AKAP7: variants seen among roughly 807,000 people sequenced by gnomAD.
AKAP7 encodes the protein A kinase (PRKA) anchor protein 7.
In AKAP7, 39 loss-of-function variants were observed where a neutral mutation model predicts 39.5. The ratio of observed to expected loss-of-function variants is 0.99; its 90% CI spans 0.76 to 1.29. The LOEUF is 1.29. Among genes scored for constraint, AKAP7 ranks in the 50% most tolerant of loss-of-function variants. The probability of loss-of-function intolerance (pLI) is 0.00; values close to 1 mark genes in which losing one functional copy is unlikely to be tolerated. For missense variants in AKAP7, 414 were observed against 407.7 expected (o/e 1.02, Z -0.13); for synonymous variants, 140 against 139.1 (o/e 1.01, Z -0.05).
At position 131,282,405 on chromosome 6, in the gene AKAP7, A is replaced by T; in HGVS notation, c.*679A>T. ...TATAATTTTTTTTTCTTAGGCAAGA[A>T]ACCTATTGGAATTCGAGACTTAATT... On this transcript the variant is annotated 3_prime_UTR_variant, in exon 8 of 8. Coordinates refer to ENST00000431975, the MANE Select transcript of AKAP7 (RefSeq NM_016377.4). 2 of 1,483,040 alleles carry T rather than the reference A, an allele frequency of 1.3e-6. No homozygotes were observed. Among genetic ancestry groups the T allele is most frequent in the Non-Finnish European group, 1.8e-6 (2 of 1,119,344 alleles). The allele number at this position is 1,483,040 out of a possible 1,614,324, so 91.9% of individuals were successfully genotyped here. A position where few individuals can be genotyped will look rare whatever the true frequency, so the allele number is the denominator to read the frequency against.
chr6:131,194,175 C>T (rs900365861), intron 5 of AKAP7, among the ~76,000 whole-genome samples: 2 of 151,940 alleles, frequency 1.3e-5, no homozygotes, highest in African/African-American at 2.4e-5. Flanking sequence ...GCACTTAAAA[C>T]AATAAAATTC....
At chr6:131,126,928 G>C in the AKAP7 span, among the ~76,000 whole-genome samples, 4 of 152,156 alleles carry the variant, frequency 2.6e-5, no homozygotes, top group African/African-American at 9.7e-5. Context: ...CTTAGTACAT[G>C]AGCATAGTTT....
At chr6:131,217,996 C>G (rs536117977) in intron 6 of AKAP7, among the ~76,000 whole-genome samples, 1 of 151,996 alleles carries the variant, frequency 6.6e-6, no homozygotes, top group Non-Finnish European at 1.5e-5. Context: ...AATGTTATCT[C>G]GAATGAAGTT....
upstream of AKAP7, among the ~76,000 whole-genome samples, chr6:131,132,341 G>A (rs1053794441): frequency 6.6e-6 from 1 of 151,748 alleles, no homozygotes; most frequent in African/African-American, 2.4e-5. Flanking sequence ...TGAATTCATA[G>A]GTATTAATTT....
At chr6:131,174,534 A>G (rs768038684) in intron 5 of AKAP7, among the ~76,000 whole-genome samples, 6 of 152,268 alleles carry the variant, frequency 3.9e-5, no homozygotes, top group Non-Finnish European at 8.8e-5. Context: ...TGGAGGTTAC[A>G]GTGAGCCATG....
intron 7 of AKAP7, among the ~76,000 whole-genome samples, chr6:131,228,481 A>G (rs1810373160): frequency 1.3e-5 from 2 of 152,020 alleles, no homozygotes; most frequent in Non-Finnish European, 2.9e-5. Context: ...TATTCTAATC[A>G]TTTACAAGGC....
Position 131,247,269 on chromosome 6 carries a change from G to GTATATA in AKAP7, c.850+27501_850+27506dup, listed in dbSNP as rs60033504. On this transcript the variant is annotated intron_variant, in intron 7 of 7. Transcript: ENST00000431975. ...TGATAGTTAATGACACATTTCATAT[G>GTATATA]TATATATATATATATATATATATAT... 3.7e-3 allele frequency among the ~76,000 whole-genome samples: 344 copies of GTATATA among 91,802 alleles called. 7 individuals are homozygous for GTATATA. The highest frequency in any genetic ancestry group is 5.4e-3 in the Non-Finnish European group (268 of 49,982). 60.2% of individuals were successfully genotyped at this position (91,802 alleles called of 152,430 possible).
At chr6:131,226,337 T>C (rs558237178) in intron 7 of AKAP7, among the ~76,000 whole-genome samples, 1 of 152,318 alleles carries the variant, frequency 6.6e-6, no homozygotes, top group South Asian at 2.1e-4. Context: ...GTGGCAACAT[T>C]CCTATTTTCA....
intron 7 of AKAP7, among the ~76,000 whole-genome samples, chr6:131,237,852 A>T (rs138607615): frequency 0.29 from 43,514 of 151,968 alleles, 6,721 homozygotes; most frequent in Middle Eastern, 0.4. Context: ...TTTTCCAAAA[A>T]CCAGCTCCTG....
intron 7 of AKAP7, among the ~76,000 whole-genome samples, chr6:131,235,991 C>G (rs1811020988): frequency 6.6e-6 from 1 of 152,192 alleles, no homozygotes; most frequent in Non-Finnish European, 1.5e-5. Context: ...TGCCTATGTC[C>G]TGAATGGTAT....
In AKAP7 at chr6:131,135,554, C is replaced by T. The variant is rs993923374; in HGVS notation, c.-210C>T. ...GCTGCTGCCGCTGCCGCGGGGGCTG[C>T]GGCTTGGGAAGCTCCGCGCTTCCGC... On this transcript the variant is annotated 5_prime_UTR_variant, in exon 1 of 8. Coordinates refer to ENST00000431975, the MANE Select transcript of AKAP7 (RefSeq NM_016377.4). 11 of 214,592 alleles carry T rather than the reference C, an allele frequency of 5.1e-5. No individual in the cohort carries two copies. The highest frequency in any genetic ancestry group is 8.0e-5 in the Non-Finnish European group (10 of 124,634). 13.3% of individuals were successfully genotyped at this position (214,592 alleles called of 1,614,324 possible).
At chr6:131,227,718 C>T (rs894048257) in intron 7 of AKAP7, among the ~76,000 whole-genome samples, 2 of 152,158 alleles carry the variant, frequency 1.3e-5, no homozygotes, top group Admixed American at 1.3e-4. Context: ...GTAGTTTAGT[C>T]AGAATGTGTC....
At position 131,207,313 on chromosome 6, in the gene AKAP7, T is replaced by C. The variant is rs1446613048; in HGVS notation, c.702+7740T>C. Among the ~76,000 whole-genome samples, 3 of 140,886 alleles carry C rather than the reference T, an allele frequency of 2.1e-5. No homozygotes were observed. In the East Asian group the frequency reaches 5.9e-4, roughly 28 times the overall value. 92.4% of individuals were successfully genotyped at this position (140,886 alleles called of 152,430 possible). A position where few individuals can be genotyped will look rare whatever the true frequency, so the allele number is the denominator to read the frequency against. ...AACAAGGACAATGGGAAAAATACTC[T>C]ACACATTTTTTTTTTTTTTTGAAAG... On this transcript the variant is annotated intron_variant, in intron 6 of 7. Coordinates refer to ENST00000431975, the MANE Select transcript of AKAP7 (RefSeq NM_016377.4).
chr6:131,169,385 C>A, intron 5 of AKAP7, 112 bp downstream of exon 5: 4 of 1,217,164 alleles, frequency 3.3e-6, no homozygotes, highest in Non-Finnish European at 3.6e-6. Context: ...GGACTAGACT[C>A]AAGTATTTTT....
intron 5 of AKAP7, among the ~76,000 whole-genome samples, chr6:131,182,986 A>T (rs991105459): frequency 1.3e-5 from 2 of 152,222 alleles, no homozygotes; most frequent in Non-Finnish European, 2.9e-5. Context: ...TTTGGGGGAA[A>T]AAAAGCTGTA....
chr6:131,153,391 A>G (rs1472965492), intron 2 of AKAP7, among the ~76,000 whole-genome samples: 1 of 152,200 alleles, frequency 6.6e-6, no homozygotes, highest in Non-Finnish European at 1.5e-5. Context: ...ATTATAGAAA[A>G]CTAAATAAAT....
rs889567020 is a variant in AKAP7, at chr6:131,245,439, G to GT, written c.850+25642dup. Among the ~76,000 whole-genome samples, 600 of 141,652 alleles carry GT rather than the reference G, an allele frequency of 4.2e-3. 5 individuals are homozygous for GT. Among genetic ancestry groups the GT allele is most frequent in the African/African-American group, 0.012 (457 of 38,816 alleles). 92.9% of individuals were successfully genotyped at this position (141,652 alleles called of 152,430 possible). On this transcript the variant is annotated intron_variant, in intron 7 of 7. Coordinates refer to ENST00000431975, the MANE Select transcript of AKAP7 (RefSeq NM_016377.4). ...TTTTTTTTTTGTTTTTTTGTTTTTG[G>GT]TTTTTTTTTTTGTATTTTTAGTAGA...
chr6:131,207,883 A>G (rs1585090885), intron 6 of AKAP7, among the ~76,000 whole-genome samples: 1 of 152,150 alleles, frequency 6.6e-6, no homozygotes, highest in East Asian at 1.9e-4. Context: ...GTGAACCTTG[A>G]TTATTCCAGA....
chr6:131,190,663 AAAAG>A (rs1562199106), intron 5 of AKAP7, among the ~76,000 whole-genome samples: 1 of 152,024 alleles, frequency 6.6e-6, no homozygotes, highest in Non-Finnish European at 1.5e-5. Flanking sequence ...AAAAAGGAAA[AAAAG>A]AGAAAAATGT....
Sources: allele counts gnomAD v4.1 joint callset (sites outside exome capture counted in the v4.1 genomes callset), GRCh38; gene constraint gnomAD v4.1.1; transcripts MANE v1.5; gene names NCBI Gene and HGNC (gene_info 2026-07-23, HGNC 2026-07-21).